The following SLC1A1 variants were observed in gnomAD, a reference collection of about 807,000 sequenced individuals.
The protein encoded by SLC1A1 is excitatory amino acid transporter 3.
SLC1A1 carries 43 observed loss-of-function variants against 53.3 expected under a neutral mutation model. That is an observed-to-expected ratio of 0.81 (90% CI 0.63 to 1.04). The LOEUF (loss-of-function observed/expected upper bound fraction) is 1.04. Ranked by LOEUF, SLC1A1 falls within the 50% of genes least tolerant of loss-of-function variation. The pLI is 0.00. For missense variants in SLC1A1, 748 were observed against 664.9 expected (o/e 1.12, Z -1.37); for synonymous variants, 307 against 243.2 (o/e 1.26, Z -2.44).
At chr9:4,544,772 G>C in intron 2 of SLC1A1, 65 bp downstream of exon 2, 1 of 1,298,444 alleles carries the variant, frequency 7.7e-7, no homozygotes, top group Non-Finnish European at 1.1e-6. Flanking sequence ...AGAACTTCCT[G>C]AGACTAGGTA....
At chr9:4,569,387 C>T (rs1251337599) in intron 6 of SLC1A1, among the ~76,000 whole-genome samples, 2 of 152,104 alleles carry the variant, frequency 1.3e-5, no homozygotes, top group African/African-American at 4.8e-5. Context: ...AGAAATGGAC[C>T]CTTAGTAGCC....
At chr9:4,542,834 A>G (rs535763663) in intron 1 of SLC1A1, among the ~76,000 whole-genome samples, 36 of 152,326 alleles carry the variant, frequency 2.4e-4, no homozygotes, top group African/African-American at 7.7e-4. Flanking sequence ...GGGTTGTAAA[A>G]TAGAAACCAA....
intron 10 of SLC1A1, among the ~76,000 whole-genome samples, chr9:4,577,006 T>A (rs1820612279): frequency 6.6e-6 from 1 of 152,206 alleles, no homozygotes; most frequent in Non-Finnish European, 1.5e-5. Flanking sequence ...AGGCACAGGC[T>A]AGCACAAAGA....
At chr9:4,491,783 C>T (rs1260548802) in intron 1 of SLC1A1, among the ~76,000 whole-genome samples, 1 of 152,234 alleles carries the variant, frequency 6.6e-6, no homozygotes, top group Admixed American at 6.5e-5. Flanking sequence ...CCACCTTCCC[C>T]TTGGAAACTG....
intron 1 of SLC1A1, among the ~76,000 whole-genome samples, chr9:4,503,991 A>T (rs1370280379): frequency 6.6e-6 from 1 of 152,228 alleles, no homozygotes; most frequent in Non-Finnish European, 1.5e-5. Context: ...AACTCCTGGA[A>T]TGGGGACCCC....
intron 1 of SLC1A1, among the ~76,000 whole-genome samples, chr9:4,502,741 T>G (rs1360402087): frequency 1.3e-5 from 2 of 151,760 alleles, no homozygotes; most frequent in Admixed American, 6.6e-5. Context: ...TAGTAAACCT[T>G]GATACACCTA....
chr9:4,543,462 A>C (rs974190114), intron 1 of SLC1A1, among the ~76,000 whole-genome samples: 51 of 152,348 alleles, frequency 3.3e-4, no homozygotes, highest in African/African-American at 1.2e-3. Flanking sequence ...ATAGAAATAA[A>C]AATTTGTGAT....
chr9:4,535,562 T>C (rs1476128993), intron 1 of SLC1A1, among the ~76,000 whole-genome samples: 6 of 152,048 alleles, frequency 3.9e-5, no homozygotes, highest in Non-Finnish European at 5.9e-5. Context: ...TAAAAGAGGA[T>C]ACAAACAAAT....
chr9:4,585,183 C>T (rs1212967759), intron 11 of SLC1A1, 129 bp from the exon 12 acceptor site: 8 of 1,240,910 alleles, frequency 6.4e-6, no homozygotes, highest in Non-Finnish European at 9.3e-6. Context: ...TTCAGTCAGT[C>T]AGCCATGAGG....
At chr9:4,517,691 A>G (rs1456520827) in intron 1 of SLC1A1, among the ~76,000 whole-genome samples, 3 of 152,206 alleles carry the variant, frequency 2.0e-5, no homozygotes, top group Admixed American at 6.5e-5. Context: ...TTTTGTTCAC[A>G]TTTTAAAAAT....
At chr9:4,498,587 A>C (rs1820523141) in intron 1 of SLC1A1, among the ~76,000 whole-genome samples, 1 of 152,056 alleles carries the variant, frequency 6.6e-6, no homozygotes, top group Non-Finnish European at 1.5e-5. Context: ...TTTTGCTTTC[A>C]ATGAGGAATA....
chr9:4,548,800 A>G (rs982853812), intron 2 of SLC1A1, among the ~76,000 whole-genome samples: 1 of 152,216 alleles, frequency 6.6e-6, no homozygotes, highest in Admixed American at 6.5e-5. Flanking sequence ...CAGAAAAAAA[A>G]AATGGCACAG....
At chr9:4,562,787 G>A (rs544097599) in intron 3 of SLC1A1, among the ~76,000 whole-genome samples, 17 of 152,160 alleles carry the variant, frequency 1.1e-4, no homozygotes, top group Admixed American at 1.1e-3. Flanking sequence ...TGGTGTATAT[G>A]TGCCACATTT....
At chr9:4,498,832 G>T (rs984202925) in intron 1 of SLC1A1, among the ~76,000 whole-genome samples, 4 of 149,288 alleles carry the variant, frequency 2.7e-5, no homozygotes, top group Admixed American at 6.7e-5. Context: ...GTGTGTGTGT[G>T]TATATATATG....
chr9:4,570,923 A>G (rs1452645705), intron 6 of SLC1A1, among the ~76,000 whole-genome samples: 1 of 152,064 alleles, frequency 6.6e-6, no homozygotes, highest in Non-Finnish European at 1.5e-5. Flanking sequence ...TTTAAAAAAA[A>G]AAAAAAGGTA....
At chr9:4,523,297 A>G (rs1168833204) in intron 1 of SLC1A1, among the ~76,000 whole-genome samples, 1 of 152,094 alleles carries the variant, frequency 6.6e-6, no homozygotes, top group African/African-American at 2.4e-5. Flanking sequence ...TGCAGAATTT[A>G]ATTAAGTTAT....
intron 6 of SLC1A1, among the ~76,000 whole-genome samples, chr9:4,571,807 T>C (rs745974773): frequency 9.2e-5 from 14 of 152,214 alleles, no homozygotes; most frequent in Non-Finnish European, 1.6e-4. Flanking sequence ...TTCACACTGG[T>C]AAGTATTCTG....
chr9:4,552,530 G>A (rs776714782), intron 2 of SLC1A1, among the ~76,000 whole-genome samples: 2 of 152,112 alleles, frequency 1.3e-5, no homozygotes, highest in African/African-American at 4.8e-5. Context: ...TACTGGCCTC[G>A]TGTGCCTTGC....
intron 1 of SLC1A1, among the ~76,000 whole-genome samples, chr9:4,507,782 C>T (rs1346358947): frequency 6.6e-6 from 1 of 152,108 alleles, no homozygotes; most frequent in African/African-American, 2.4e-5. Flanking sequence ...GGATGATCGG[C>T]CACCTTCTTT....
Sources: allele counts gnomAD v4.1 joint callset (sites outside exome capture counted in the v4.1 genomes callset), GRCh38; gene constraint gnomAD v4.1.1; transcripts MANE v1.5; gene names NCBI Gene and HGNC (gene_info 2026-07-23, HGNC 2026-07-21).